The following LARGE1 variants were observed in gnomAD, a reference collection of about 807,000 sequenced individuals.
LARGE1 encodes the protein xylosyl- and glucuronyltransferase LARGE1.
Under a neutral mutation model 87.6 loss-of-function variants are expected in LARGE1, and 43 were observed. The observed-to-expected ratio is 0.49, with a 90% CI of 0.38 to 0.63. The LOEUF (loss-of-function observed/expected upper bound fraction) is 0.63, where lower values mean the gene tolerates loss of function less well. LARGE1 is among the 30% of genes least tolerant of loss of function. The pLI is 0.00. For missense variants in LARGE1, 802 were observed against 1,000.2 expected (o/e 0.80, Z 2.67); for synonymous variants, 434 against 394.6 (o/e 1.10, Z -1.18).
Position 33,838,175 on chromosome 22 carries a change from C to T in LARGE1, c.-82-76617G>A, listed in dbSNP as rs190895057. ...TCTTAGCTCATGGGCTAAAGGAAGA[C>T]AGACTGGCCCACAGAATGCAGACTC... On this transcript the variant is annotated intron_variant, in intron 1 of 14. Coordinates refer to ENST00000397394, the MANE Select transcript of LARGE1 (RefSeq NM_133642.5). Among the ~76,000 whole-genome samples, 55 of 152,308 alleles carry T rather than the reference C, an allele frequency of 3.6e-4. 1 individual carries two copies. The highest frequency in any genetic ancestry group is 2.5e-3 in the South Asian group (12 of 4,826).
intron 11 of LARGE1, among the ~76,000 whole-genome samples, chr22:33,205,039 A>C (rs1924609311): frequency 6.6e-6 from 1 of 152,084 alleles, no homozygotes; most frequent in African/African-American, 2.4e-5. Context: ...TTAGGTTGAA[A>C]AAAAATAGCT....
intron 4 of LARGE1, among the ~76,000 whole-genome samples, chr22:33,624,879 G>A (rs191034219): frequency 5.3e-5 from 8 of 152,320 alleles, no homozygotes; most frequent in Admixed American, 2.0e-4. Flanking sequence ...AGTGGGGATG[G>A]AGAGAACGGG....
At chr22:33,626,163 TCCTATTTAA>T (rs2079914470) in intron 4 of LARGE1, 72 bp downstream of exon 4, 3 of 1,244,024 alleles carry the variant, frequency 2.4e-6, no homozygotes, top group Non-Finnish European at 3.5e-6. Context: ...GAAATTTTGC[TCCTATTTAA>T]CCCTTCCCCA....
chr22:33,220,629 A>T (rs145312079), intron 11 of LARGE1, among the ~76,000 whole-genome samples: 93 of 152,326 alleles, frequency 6.1e-4, no homozygotes, highest in African/African-American at 2.0e-3. Flanking sequence ...CTGAGCCTGG[A>T]ACAGGTATTG....
the LARGE1 span, among the ~76,000 whole-genome samples, chr22:33,107,895 A>C: frequency 6.6e-6 from 1 of 151,866 alleles, no homozygotes; most frequent in East Asian, 1.9e-4. Context: ...ATTTAATTTT[A>C]TGATTTTCTC....
chr22:33,207,519 G>C (rs1010436212), intron 11 of LARGE1, among the ~76,000 whole-genome samples: 3 of 152,096 alleles, frequency 2.0e-5, no homozygotes, highest in Non-Finnish European at 4.4e-5. Flanking sequence ...CTCCTCCCCT[G>C]CTGGCCAGAT....
chr22:33,356,834 A>C (rs1434501088), intron 9 of LARGE1, among the ~76,000 whole-genome samples: 5 of 152,176 alleles, frequency 3.3e-5, no homozygotes, highest in Non-Finnish European at 7.4e-5. Flanking sequence ...AAGACAGAAC[A>C]GAGGAGTAGG....
intron 2 of LARGE1, among the ~76,000 whole-genome samples, chr22:33,721,149 T>C (rs971479050): frequency 6.6e-6 from 1 of 152,190 alleles, no homozygotes; most frequent in African/African-American, 2.4e-5. Flanking sequence ...TGCTACAATA[T>C]TTAGTGAGGC....
chr22:33,444,262 A>G (rs987094331), intron 6 of LARGE1, among the ~76,000 whole-genome samples: 2 of 152,246 alleles, frequency 1.3e-5, no homozygotes, highest in Non-Finnish European at 2.9e-5. Flanking sequence ...TTCTATCATA[A>G]CACTGTTTTG....
chr22:33,316,938 G>A (rs1394786288), intron 10 of LARGE1, among the ~76,000 whole-genome samples: 1 of 151,912 alleles, frequency 6.6e-6, no homozygotes, highest in Admixed American at 6.5e-5. Context: ...AATGGGCTGG[G>A]CACGGTGGCT....
intron 6 of LARGE1, among the ~76,000 whole-genome samples, chr22:33,474,596 G>A (rs898898840): frequency 4.6e-5 from 7 of 152,212 alleles, no homozygotes; most frequent in Admixed American, 6.5e-5. Flanking sequence ...CTGCATACAT[G>A]TGAGTCTGAG....
intron 9 of LARGE1, among the ~76,000 whole-genome samples, chr22:33,378,300 C>T (rs551285559): frequency 5.9e-5 from 9 of 152,192 alleles, no homozygotes; most frequent in Non-Finnish European, 1.3e-4. Context: ...AATAAAATCT[C>T]AGAGGAAACA....
intron 7 of LARGE1, among the ~76,000 whole-genome samples, chr22:33,387,529 G>GGT (rs2065372268): frequency 6.9e-6 from 1 of 145,526 alleles, no homozygotes; most frequent in Admixed American, 6.7e-5. Context: ...AAAAAATGGG[G>GGT]GGGGGGATGG....
chr22:33,688,603 G>A (rs770335627), intron 2 of LARGE1, among the ~76,000 whole-genome samples: 3 of 152,028 alleles, frequency 2.0e-5, no homozygotes, highest in Non-Finnish European at 4.4e-5. Context: ...TGCCTGCCTT[G>A]GCCTCCCAAA....
chr22:33,408,695 CTT>C (rs572399860), intron 7 of LARGE1, among the ~76,000 whole-genome samples: 3 of 136,006 alleles, frequency 2.2e-5, no homozygotes, highest in Admixed American at 7.4e-5. Context: ...ATAGACTTGT[CTT>C]TTTTTTTTTT....
In LARGE1 at chr22:33,391,894, C is replaced by T. The variant is rs141325006; in HGVS notation, c.893-7590G>A. 5.8e-3 allele frequency among the ~76,000 whole-genome samples: 873 copies of T among 151,324 alleles called. 15 individuals carry two copies. Among genetic ancestry groups the T allele is most frequent in the African/African-American group, 0.02 (834 of 41,262 alleles). On this transcript the variant is annotated intron_variant, in intron 7 of 14. Transcript: ENST00000397394. ...TAGCGATTCTCCTGCCTCAGCCTCC[C>T]GAGTAGCTGGGATTATAGGTGCCCA...
At chr22:33,320,333 T>C (rs900168467) in intron 10 of LARGE1, among the ~76,000 whole-genome samples, 1 of 152,100 alleles carries the variant, frequency 6.6e-6, no homozygotes, top group Non-Finnish European at 1.5e-5. Context: ...TCCACTCTCC[T>C]CCACCTAAAA....
chr22:33,553,859 G>C (rs549775863), intron 6 of LARGE1, among the ~76,000 whole-genome samples: 1 of 152,228 alleles, frequency 6.6e-6, no homozygotes, highest in African/African-American at 2.4e-5. Flanking sequence ...CCCTTGGTGA[G>C]GAGCCTAAAA....
At chr22:33,422,319 T>C (rs915936746) in intron 7 of LARGE1, among the ~76,000 whole-genome samples, 1 of 152,170 alleles carries the variant, frequency 6.6e-6, no homozygotes, top group African/African-American at 2.4e-5. Context: ...ACTGGGTAAT[T>C]TATAAAGAAA....
Sources: allele counts gnomAD v4.1 joint callset (sites outside exome capture counted in the v4.1 genomes callset), GRCh38; gene constraint gnomAD v4.1.1; transcripts MANE v1.5; gene names NCBI Gene and HGNC (gene_info 2026-07-23, HGNC 2026-07-21).